The following USO1 variants were observed in gnomAD, a reference collection of about 807,000 sequenced individuals.
USO1 encodes general vesicular transport factor p115.
In USO1, 57 loss-of-function variants were observed where a neutral mutation model predicts 124.5. That is an observed-to-expected ratio of 0.46 (90% CI 0.37 to 0.57). The LOEUF is 0.57. Ranked by LOEUF, USO1 falls within the 20% of genes least tolerant of loss-of-function variation. USO1 has a pLI of 0.00. For missense variants in USO1, 900 were observed against 1,040.6 expected, an observed-to-expected ratio of 0.86 and a Z score of 1.86; for synonymous variants, 369 against 362.8, an observed-to-expected ratio of 1.02 and a Z score of -0.19.
At chr4:75,729,384 G>A (rs1299867549) in intron 1 of USO1, among the ~76,000 whole-genome samples, 1 of 152,086 alleles carries the variant, frequency 6.6e-6, no homozygotes, top group Non-Finnish European at 1.5e-5. Context: ...CTGTCGCCCA[G>A]GCTGGAGTGC....
At position 75,804,187 on chromosome 4, in the gene USO1, T is replaced by C. The variant is rs1722929623; in HGVS notation, c.2040T>C (p.Asn680=). 1.2e-6 allele frequency: 2 copies of C among 1,613,438 alleles called. No individual in the cohort carries two copies. Among genetic ancestry groups the C allele is most frequent in the African/African-American group, 1.3e-5 (1 of 74,906 alleles). ...AGGTTTCTACATTAAAATGTCAAAA[T>C]GAACAGCTCCAGACGGCAGTCACAC... ...RQQVSTLKCQ[N]EQLQTAVTQQ... is the part of the protein sequence containing the mutation. The change falls in exon 18 of 24, where the codon AAT becomes AAC. Residue 680 remains asparagine (N), a synonymous_variant. Coordinates refer to ENST00000514213, the MANE Select transcript of USO1 (RefSeq NM_003715.4).
intron 3 of USO1, among the ~76,000 whole-genome samples, chr4:75,756,959 A>T (rs974630559): frequency 8.7e-6 from 1 of 114,558 alleles, no homozygotes; most frequent in African/African-American, 5.3e-5. Flanking sequence ...ATATGTATAC[A>T]TATATATACA....
chr4:75,767,284 T>C (rs1451186649), intron 4 of USO1, among the ~76,000 whole-genome samples: 2 of 152,242 alleles, frequency 1.3e-5, no homozygotes, highest in Non-Finnish European at 1.5e-5. Context: ...TCCCCTGAAG[T>C]TCATCATTGT....
intron 3 of USO1, among the ~76,000 whole-genome samples, chr4:75,756,099 G>C (rs746955234): frequency 8.6e-5 from 13 of 151,748 alleles, no homozygotes; most frequent in South Asian, 2.1e-4. Flanking sequence ...GAACCCAGGA[G>C]GGGGAGCTTG....
At chr4:75,768,477 G>C (rs1721832217) in intron 4 of USO1, among the ~76,000 whole-genome samples, 1 of 152,144 alleles carries the variant, frequency 6.6e-6, no homozygotes, top group South Asian at 2.1e-4. Flanking sequence ...TTAATTTTGT[G>C]TATGACCTTT....
chr4:75,809,058 A>G lies in USO1; in HGVS notation c.2475+7A>G. 6.4e-7 allele frequency: 1 copy of G among 1,570,416 alleles called. No individual in the cohort carries two copies. ...ACAGAAAACAGAAGCGTTTGTAAGTATTTTCTCTTTTTTCTCTGGAAGGTA... is the reference window on the plus strand; with the variant it reads ...ACAGAAAACAGAAGCGTTTGTAAGTGTTTTCTCTTTTTTCTCTGGAAGGTA... On this transcript the variant is annotated splice_region_variant and intron_variant, in intron 21 of 23. Transcript: ENST00000514213.
At chr4:75,799,522 T>A (rs1722780895) in intron 13 of USO1, 100 bp from the exon 14 acceptor site, 1 of 1,361,798 alleles carries the variant, frequency 7.3e-7, no homozygotes, top group Non-Finnish European at 1.0e-6. Context: ...TTGTAAGATG[T>A]TAAAGTTCTT....
At chr4:75,768,081 A>T (rs972733769) in intron 4 of USO1, among the ~76,000 whole-genome samples, 3 of 152,124 alleles carry the variant, frequency 2.0e-5, no homozygotes, top group African/African-American at 7.2e-5. Flanking sequence ...CAGTGGTACA[A>T]TCATGGCTCA....
intron 22 of USO1, among the ~76,000 whole-genome samples, chr4:75,811,344 C>G (rs976551983): frequency 6.6e-6 from 1 of 152,004 alleles, no homozygotes; most frequent in African/African-American, 2.4e-5. Context: ...TTAGTAGAGA[C>G]GAGGATTCGC....
rs775201813 is a variant in USO1, at chr4:75,736,307, C to CTTTTTTTT, written c.66+11443_66+11450dup. ...CTGTTTATTGTGTTCTACAGCTTAC[C>CTTTTTTTT]TTTTTTTTTTTTTTTTTTTTTTTTT... On this transcript the variant is annotated intron_variant, in intron 1 of 23. Coordinates refer to ENST00000514213, the MANE Select transcript of USO1 (RefSeq NM_003715.4). 1.4e-4 allele frequency among the ~76,000 whole-genome samples: 9 copies of CTTTTTTTT among 63,276 alleles called. 2 individuals are homozygous for CTTTTTTTT. The East Asian group carries it at 2.0e-3, about 14-fold the overall frequency. The allele number at this position is 63,276 out of a possible 152,430, so 41.5% of individuals were successfully genotyped here. A position where few individuals can be genotyped will look rare whatever the true frequency, so the allele number is the denominator to read the frequency against.
intron 1 of USO1, among the ~76,000 whole-genome samples, chr4:75,738,802 T>TA (rs1158669023): frequency 6.6e-6 from 1 of 152,040 alleles, no homozygotes; most frequent in East Asian, 1.9e-4. Flanking sequence ...TATATTTTTT[T>TA]ATCCTTTAAG....
chr4:75,783,737 G>C (rs1287867581), intron 9 of USO1, among the ~76,000 whole-genome samples: 1 of 152,108 alleles, frequency 6.6e-6, no homozygotes, highest in Non-Finnish European at 1.5e-5. Context: ...CAGTTTGCCA[G>C]TACATTACTC....
In USO1 at chr4:75,774,656, A is replaced by G. The variant is rs773617830; in HGVS notation, c.556-20A>G. 7.8e-6 allele frequency: 12 copies of G among 1,540,506 alleles called. No homozygotes were observed. Among genetic ancestry groups the G allele is most frequent in the Admixed American group, 4.2e-5 (2 of 47,496 alleles). On this transcript the variant is annotated intron_variant, in intron 7 of 23. Coordinates refer to ENST00000514213, the MANE Select transcript of USO1 (RefSeq NM_003715.4). ...TCATAAATTTTGTACTCCACTAAAC[A>G]TTCTCTTTCTTCTCTATAGGGCGTC...
chr4:75,780,298 G>T (rs538000784), intron 8 of USO1, among the ~76,000 whole-genome samples: 22 of 151,768 alleles, frequency 1.4e-4, no homozygotes, highest in Non-Finnish European at 2.8e-4. Context: ...ATGGAGTCTC[G>T]CACTGTCACT....
At chr4:75,761,315 A>G (rs1721599708) in intron 4 of USO1, among the ~76,000 whole-genome samples, 1 of 152,150 alleles carries the variant, frequency 6.6e-6, no homozygotes, top group Non-Finnish European at 1.5e-5. Flanking sequence ...GGGAGACTAA[A>G]GTGGGAAAAC....
At chr4:75,806,720 T>G in intron 20 of USO1, 148 bp downstream of exon 20, 1 of 1,069,802 alleles carries the variant, frequency 9.3e-7, no homozygotes, top group Non-Finnish European at 1.3e-6. Flanking sequence ...AGAAGCTGTT[T>G]CTATTTATAT....
At chr4:75,790,037 T>TA in intron 10 of USO1, 113 bp from the exon 11 acceptor site, 2 of 1,203,516 alleles carry the variant, frequency 1.7e-6, no homozygotes, top group South Asian at 1.9e-5. Flanking sequence ...CCCTAAAACT[T>TA]AAAGTATAAT....
Position 75,810,416 on chromosome 4 carries a change from C to A in USO1, c.2476-16C>A. On this transcript the variant is annotated splice_polypyrimidine_tract_variant and intron_variant, in intron 21 of 23. Transcript: ENST00000514213. Reference sequence around the variant, plus strand: ...AATGTTTAAGAGACATCTTTTTTTCCAATTTCTAATTTCAGGCAAAATCAG... The same window carrying A: ...AATGTTTAAGAGACATCTTTTTTTCAAATTTCTAATTTCAGGCAAAATCAG... 6.3e-7 allele frequency: 1 copy of A among 1,585,724 alleles called. No homozygotes were observed. Among genetic ancestry groups the A allele is most frequent in the Non-Finnish European group, 8.5e-7 (1 of 1,170,032 alleles).
At chr4:75,725,073 C>T (rs1720368222) in intron 1 of USO1, 188 bp downstream of exon 1, 2 of 655,486 alleles carry the variant, frequency 3.1e-6, no homozygotes, top group Non-Finnish European at 2.6e-6. Context: ...AGCTCAGTCC[C>T]CATTGCTGCC....
Sources: gnomAD v4.1 joint callset for allele counts (sites outside exome capture counted in the v4.1 genomes callset) on GRCh38, gnomAD v4.1.1 for gene constraint, MANE v1.5 for transcripts, NCBI Gene and HGNC (gene_info 2026-07-23, HGNC 2026-07-21) for gene names.